The following LARS2 variants were observed in gnomAD, a reference collection of about 807,000 sequenced individuals.
The protein encoded by LARS2 is leucine--tRNA ligase, mitochondrial.
LARS2 carries 81 observed loss-of-function variants against 116.6 expected under a neutral mutation model. The observed-to-expected ratio is 0.69, with a 90% CI of 0.58 to 0.84. LARS2 has a LOEUF of 0.84. LARS2 is among the 40% of genes least tolerant of loss of function. The probability of loss-of-function intolerance (pLI) is 0.00; values close to 1 mark genes in which losing one functional copy is unlikely to be tolerated. For missense variants in LARS2, 968 were observed against 1,114.5 expected, an observed-to-expected ratio of 0.87 and a Z score of 1.87; for synonymous variants, 396 against 407.2, an observed-to-expected ratio of 0.97 and a Z score of 0.33.
At chr3:45,439,860 G>A (rs542996715) in intron 6 of LARS2, among the ~76,000 whole-genome samples, 4 of 152,286 alleles carry the variant, frequency 2.6e-5, no homozygotes, top group Admixed American at 6.5e-5. Context: ...AAGACATAAA[G>A]GCAGGACAGG....
chr3:45,504,826 T>A (rs1700174858), intron 15 of LARS2, among the ~76,000 whole-genome samples: 1 of 151,666 alleles, frequency 6.6e-6, no homozygotes, highest in African/African-American at 2.4e-5. Context: ...ACACCTGTAA[T>A]CCCAGCACTT....
intron 20 of LARS2, among the ~76,000 whole-genome samples, chr3:45,527,044 C>CA (rs1700540682): frequency 6.6e-6 from 1 of 152,144 alleles, no homozygotes; most frequent in South Asian, 2.1e-4. Flanking sequence ...GTTTCTGAGT[C>CA]AAAGGTTCCA....
intron 10 of LARS2, among the ~76,000 whole-genome samples, chr3:45,484,640 T>TATATATATATATATATATATATAC (rs1241694718): frequency 9.6e-5 from 8 of 83,064 alleles, no homozygotes; most frequent in Non-Finnish European, 1.5e-4. Flanking sequence ...AATATATATA[T>TATATATATATATATATATATATAC]ATATATATTT....
At chr3:45,523,960 C>T (rs771868424) in intron 19 of LARS2, 37 bp from the exon 20 acceptor site, 63 of 1,466,296 alleles carry the variant, frequency 4.3e-5, no homozygotes, top group Non-Finnish European at 3.2e-5. Flanking sequence ...CTTATTTTTA[C>T]ACCTCAGTCT....
intron 8 of LARS2, among the ~76,000 whole-genome samples, chr3:45,473,094 A>G (rs1699553162): frequency 6.6e-6 from 1 of 152,166 alleles, no homozygotes; most frequent in African/African-American, 2.4e-5. Context: ...GAAAAATCAG[A>G]GTTTGCATTA....
intron 6 of LARS2, among the ~76,000 whole-genome samples, chr3:45,429,182 A>G (rs4683111): frequency 0.91 from 138,702 of 152,248 alleles, 64,548 homozygotes; most frequent in East Asian, 1. Flanking sequence ...CAACATCAGC[A>G]TATTATCTGA....
At chr3:45,414,962 C>T (rs1698390575) in intron 4 of LARS2, among the ~76,000 whole-genome samples, 1 of 152,138 alleles carries the variant, frequency 6.6e-6, no homozygotes, top group South Asian at 2.1e-4. Flanking sequence ...AGCAGTGTGT[C>T]TTTCCTGACA....
intron 6 of LARS2, chr3:45,421,553 C>T (rs1020706936): frequency 5.9e-5 from 9 of 152,056 alleles, no homozygotes; most frequent in African/African-American, 2.2e-4. Context: ...TCTTTGGATC[C>T]CTAGAGAGCT....
chr3:45,390,259 A>C (rs1390503886), intron 1 of LARS2, among the ~76,000 whole-genome samples: 1 of 152,060 alleles, frequency 6.6e-6, no homozygotes, highest in East Asian at 1.9e-4. Flanking sequence ...CTCTTTATTA[A>C]CCATTTATAT....
chr3:45,450,411 C>T (rs938652193), intron 7 of LARS2, among the ~76,000 whole-genome samples: 2 of 152,094 alleles, frequency 1.3e-5, no homozygotes, highest in African/African-American at 4.8e-5. Flanking sequence ...CTTCCTTTCC[C>T]AGCCCCAGCA....
intron 4 of LARS2, among the ~76,000 whole-genome samples, chr3:45,414,984 C>G (rs190340410): frequency 6.6e-6 from 1 of 152,146 alleles, no homozygotes; most frequent in African/African-American, 2.4e-5. Context: ...GGGCAGGGAG[C>G]CTGGCTTCCT....
At chr3:45,415,895 A>AGAGG (rs1553627826) in intron 4 of LARS2, among the ~76,000 whole-genome samples, 20 of 21,060 alleles carry the variant, frequency 9.5e-4, no homozygotes, top group African/African-American at 5.3e-3. Context: ...AGAGAGAGGG[A>AGAGG]GAGAGAGAGA....
chr3:45,400,321 T>G lies in LARS2; in HGVS notation c.311T>G (p.Val104Gly). 7 of 1,614,098 alleles carry G rather than the reference T, an allele frequency of 4.3e-6. No individual in the cohort carries two copies. Among genetic ancestry groups the G allele is most frequent in the Non-Finnish European group, 5.1e-6 (6 of 1,179,976 alleles). ...SGKLHMGHVR[V>G]YTISDTIARF... ...AAGCTGCACATGGGCCATGTGCGTG[T>G]CTACACCATCAGCGACACCATAGCA... is the stretch of plus-strand genomic sequence containing the variant. The change falls in exon 4 of 22, where the codon GTC becomes GGC. Residue 104 changes from valine to glycine, a missense_variant. Transcript: ENST00000645846.
At chr3:45,493,249 G>A (rs371740233) in intron 13 of LARS2, among the ~76,000 whole-genome samples, 20 of 152,190 alleles carry the variant, frequency 1.3e-4, no homozygotes, top group African/African-American at 1.7e-4. Context: ...ACAGGTGCCC[G>A]CCACCAAGCC....
intron 6 of LARS2, among the ~76,000 whole-genome samples, chr3:45,444,077 T>C (rs1202385671): frequency 1.3e-5 from 2 of 149,934 alleles, no homozygotes; most frequent in East Asian, 4.0e-4. Flanking sequence ...TGATCTCAGC[T>C]CACTGCAAGC....
At chr3:45,400,703 C>G (rs1239087102) in intron 4 of LARS2, among the ~76,000 whole-genome samples, 1 of 152,150 alleles carries the variant, frequency 6.6e-6, no homozygotes, top group Non-Finnish European at 1.5e-5. Context: ...TTGTATATAA[C>G]GAACTGAGGT....
At chr3:45,418,174 C>T (rs1698460784) in intron 5 of LARS2, among the ~76,000 whole-genome samples, 2 of 152,194 alleles carry the variant, frequency 1.3e-5, no homozygotes, top group African/African-American at 4.8e-5. Context: ...CACCCTAGAA[C>T]TTGGCAGAAT....
At chr3:45,491,978 G>C (rs1465404354) in intron 13 of LARS2, among the ~76,000 whole-genome samples, 178 bp downstream of exon 13, 8 of 152,230 alleles carry the variant, frequency 5.3e-5, no homozygotes, top group Non-Finnish European at 5.9e-5. Context: ...GGAATCTGTG[G>C]CCCTGCCTCT....
intron 20 of LARS2, among the ~76,000 whole-genome samples, chr3:45,540,109 A>T (rs976181723): frequency 6.6e-6 from 1 of 152,058 alleles, no homozygotes; most frequent in Non-Finnish European, 1.5e-5. Flanking sequence ...AATACAAAAA[A>T]TTAGCCAGGC....
Sources: gnomAD v4.1 joint callset for allele counts (sites outside exome capture counted in the v4.1 genomes callset) on GRCh38, gnomAD v4.1.1 for gene constraint, MANE v1.5 for transcripts, NCBI Gene and HGNC (gene_info 2026-07-23, HGNC 2026-07-21) for gene names.